FCRL1: variants seen among roughly 807,000 people sequenced by gnomAD.
FCRL1 encodes the protein Fc receptor-like protein 1.
A neutral mutation model predicts 49.2 loss-of-function variants in FCRL1; 34 were observed. The ratio of observed to expected loss-of-function variants is 0.69; its 90% confidence interval spans 0.53 to 0.92. The LOEUF (loss-of-function observed/expected upper bound fraction) is 0.92, where lower values mean the gene tolerates loss of function less well. FCRL1 is among the 40% of genes least tolerant of loss of function. FCRL1 has a pLI of 0.00. For missense variants in FCRL1, 524 were observed against 524.1 expected (o/e 1.00, Z 0.00); for synonymous variants, 218 against 201.6 (o/e 1.08, Z -0.69).
At chr1:157,815,709 CTAAA>C (rs899422468) in intron 1 of FCRL1, among the ~76,000 whole-genome samples, 1 of 150,952 alleles carries the variant, frequency 6.6e-6, no homozygotes, top group East Asian at 1.9e-4. Context: ...ACTAGCTAGA[CTAAA>C]TAAGAAAAAG....
At position 157,802,056 on chromosome 1, in the gene FCRL1, G is replaced by C; in HGVS notation, c.745C>G (p.Leu249Val). The change falls in exon 5 of 11, where the codon CTG (leucine) becomes GTG (valine). Residue 249 changes from leucine to valine, a missense_variant. By Grantham distance (32) the Leu-to-Val change is conservative (BLOSUM62 1). Transcript: ENST00000368176. ...LYWFYHEDIT[L>V]GSRSAPSGGG... ...CCAGAGGGGGCCGACCTGCTCCCCA[G>C]GGTGATATCCTCGTGATAAAACCAG... 6.2e-7 allele frequency: 1 copy of C among 1,614,208 alleles called. No individual in the cohort carries two copies. The highest frequency in any genetic ancestry group is 8.5e-7 in the Non-Finnish European group (1 of 1,180,032).
chr1:157,798,210 G>T lies in FCRL1; in HGVS notation c.1065C>A (p.Thr355=), dbSNP rs3811024. The change falls in exon 8 of 11, where the codon ACC becomes ACA. Residue 355 remains threonine (T), a synonymous_variant. Transcript: ENST00000368176. ...GCCCTGGGGTAGGTGAGTTGAGGTAGGTGAACTCTTGGGGTAGAGGGCTGG... is the reference window on the plus strand; with the variant it reads ...GCCCTGGGGTAGGTGAGTTGAGGTATGTGAACTCTTGGGGTAGAGGGCTGG... The part of the protein sequence containing the change: ...SLPSPLPQEF[T]YLNSPTPGQL... 34 of 1,612,398 alleles carry T rather than the reference G, an allele frequency of 2.1e-5. No homozygotes were observed. Among genetic ancestry groups the T allele is most frequent in the Non-Finnish European group, 2.9e-5 (34 of 1,179,254 alleles).
intron 6 of FCRL1, 136 bp from the exon 7 acceptor site, chr1:157,800,221 A>C: frequency 4.8e-6 from 3 of 625,822 alleles, no homozygotes; most frequent in Non-Finnish European, 8.0e-6. Flanking sequence ...TGTGCCCAGC[A>C]GACATCCTGG....
chr1:157,800,051 G>T lies in FCRL1; in HGVS notation c.1031+7C>A. 1 of 1,612,332 alleles carries T rather than the reference G, an allele frequency of 6.2e-7. No homozygotes were observed. Among genetic ancestry groups the T allele is most frequent in the Non-Finnish European group, 8.5e-7 (1 of 1,178,926 alleles). On this transcript the variant is annotated splice_region_variant and intron_variant, in intron 7 of 10. Coordinates refer to ENST00000368176, the MANE Select transcript of FCRL1 (RefSeq NM_052938.5). The stretch of plus-strand genomic sequence containing the variant: ...TTATTGACACCTATAGTGAAAACAG[G>T]CCTCACCTGAGTGGATCCCTGGCTG...
chr1:157,795,384 G>C lies in FCRL1; in HGVS notation c.*715C>G, dbSNP rs906793476. On this transcript the variant is annotated 3_prime_UTR_variant, in exon 11 of 11. Coordinates refer to ENST00000368176, the MANE Select transcript of FCRL1 (RefSeq NM_052938.5). ...TAAAAAAAAAATAATTAAGATACAG[G>C]TTTCAAACCATATTACCACGATTTC... is the stretch of plus-strand genomic sequence containing the variant. The C allele has an allele frequency of 2.0e-5, 3 of 151,936 alleles. No individual in the cohort carries two copies. Among genetic ancestry groups the C allele is most frequent in the Non-Finnish European group, 4.4e-5 (3 of 67,994 alleles). 9.4% of individuals were successfully genotyped at this position (151,936 alleles called of 1,614,324 possible). A position where few individuals can be genotyped will look rare whatever the true frequency, so the allele number is the denominator to read the frequency against.
At position 157,806,741 on chromosome 1, in the gene FCRL1, T is replaced by C. The variant is rs561290585; in HGVS notation, c.52+361A>G. ...AAGCACAACTGGGAATTGGAGCTCC[T>C]GAGGCTGGGAGGACAGAGATGCTTC... On this transcript the variant is annotated intron_variant, in intron 2 of 10. Transcript: ENST00000368176. 2.1e-5 allele frequency: 4 copies of C among 190,964 alleles called. No homozygotes were observed. In the East Asian group the frequency reaches 5.1e-4, roughly 24 times the overall value. The allele number at this position is 190,964 out of a possible 1,614,324, so 11.8% of individuals were successfully genotyped here.
chr1:157,806,244 C>A (rs971427911), intron 2 of FCRL1, among the ~76,000 whole-genome samples: 3 of 152,178 alleles, frequency 2.0e-5, no homozygotes, highest in African/African-American at 7.2e-5. Context: ...ACCTAGAAGG[C>A]TAGATTGACC....
At chr1:157,802,300 G>C (rs1652650831) in intron 4 of FCRL1, 77 bp downstream of exon 4, 1 of 1,581,524 alleles carries the variant, frequency 6.3e-7, no homozygotes, top group Non-Finnish European at 8.6e-7. Context: ...CATGCCCCAG[G>C]GAAACTTTGT....
chr1:157,803,938 T>C lies in FCRL1; in HGVS notation c.226A>G (p.Met76Val), dbSNP rs1652954637. The C allele has an allele frequency of 6.2e-7, 1 of 1,614,186 alleles. No individual in the cohort carries two copies. Among genetic ancestry groups the C allele is most frequent in the Non-Finnish European group, 8.5e-7 (1 of 1,180,034 alleles). Residue 76 changes from methionine to valine, a missense_variant, in exon 3 of 11, where the codon ATG becomes GTG. Transcript: ENST00000368176. ...TATGACCCTGTGTCTTCTTTCCACATGGCAGCGATCTGGAGCTTGGGGGAG... is the reference window on the plus strand; with the variant it reads ...TATGACCCTGTGTCTTCTTTCCACACGGCAGCGATCTGGAGCTTGGGGGAG... ...SSSPKLQIAA[M>V]WKEDTGSYWC...
Position 157,807,103 on chromosome 1 carries a change from G to A in FCRL1, c.51C>T (p.Ala17=), listed in dbSNP as rs781242642. 8 of 1,613,626 alleles carry A rather than the reference G, an allele frequency of 5.0e-6. No individual in the cohort carries two copies. The highest frequency in any genetic ancestry group is 2.7e-5 in the African/African-American group (2 of 74,902). ...AGAAGAAAAGGAAGTGCAACTCACC[G>A]GCAGGTTCACAGAGTGGAGCTGGGA... ...LLICAPLCEP[A]ELFLIASPSH... Residue 17 remains alanine (A), a splice_region_variant and synonymous_variant, in exon 2 of 11, where the codon GCC becomes GCT. Coordinates refer to ENST00000368176, the MANE Select transcript of FCRL1 (RefSeq NM_052938.5).
At chr1:157,818,588 A>G (rs1185241834) in intron 1 of FCRL1, among the ~76,000 whole-genome samples, 3 of 152,104 alleles carry the variant, frequency 2.0e-5, no homozygotes, top group Admixed American at 2.0e-4. Flanking sequence ...GAATAGACAA[A>G]TATAGAGAGA....
At chr1:157,799,945 G>T in intron 7 of FCRL1, 113 bp downstream of exon 7, 1 of 838,796 alleles carries the variant, frequency 1.2e-6, no homozygotes, top group Non-Finnish European at 1.8e-6. Flanking sequence ...TCAGGAGTGA[G>T]TTCTGGGTAT....
At position 157,794,443 on chromosome 1, in the gene FCRL1, T is replaced by G. The variant is rs1451587275; in HGVS notation, c.*1656A>C. On this transcript the variant is annotated 3_prime_UTR_variant, in exon 11 of 11. Transcript: ENST00000368176. ...GTCTTGGATATGTCTTTATTAGCAA[T>G]GTGAAAACTAAGTAATACACCCCAC... 1 of 152,188 alleles carries G rather than the reference T, an allele frequency of 6.6e-6. No individual in the cohort carries two copies. The highest frequency in any genetic ancestry group is 1.9e-4 in the East Asian group (1 of 5,192). The allele number at this position is 152,188 out of a possible 1,614,324, so 9.4% of individuals were successfully genotyped here. A position where few individuals can be genotyped will look rare whatever the true frequency, so the allele number is the denominator to read the frequency against.
At chr1:157,804,230 C>T (rs1653011434) in intron 2 of FCRL1, 119 bp from the exon 3 acceptor site, 3 of 1,251,208 alleles carry the variant, frequency 2.4e-6, no homozygotes, top group African/African-American at 1.5e-5. Context: ...ACACACAGGC[C>T]ACCCTACATG....
In FCRL1 at chr1:157,795,266, G is replaced by A. The variant is rs1355076532; in HGVS notation, c.*833C>T. On this transcript the variant is annotated 3_prime_UTR_variant, in exon 11 of 11. Transcript: ENST00000368176. ...GCTACTCAGCAGGCTGAGGTGAGAG[G>A]TTTGCTTGAGCCTGAGAGGCAGGCG... is the stretch of plus-strand genomic sequence containing the variant. 6.6e-6 allele frequency: 1 copy of A among 152,100 alleles called. No individual in the cohort carries two copies. Among genetic ancestry groups the A allele is most frequent in the African/African-American group, 2.4e-5 (1 of 41,410 alleles). 9.4% of individuals were successfully genotyped at this position (152,100 alleles called of 1,614,324 possible).
intron 1 of FCRL1, among the ~76,000 whole-genome samples, chr1:157,819,171 T>A (rs1655455733): frequency 6.6e-6 from 1 of 152,120 alleles, no homozygotes; most frequent in African/African-American, 2.4e-5. Context: ...GGATAAGGTA[T>A]GCAATAGTGA....
chr1:157,802,223 G>C lies in FCRL1; in HGVS notation c.608-30C>G, dbSNP rs142044630. 9.6e-5 allele frequency: 153 copies of C among 1,598,526 alleles called. No individual in the cohort carries two copies. In the African/African-American group the frequency reaches 1.9e-3, roughly 20 times the overall value. On this transcript the variant is annotated intron_variant, in intron 4 of 10. Coordinates refer to ENST00000368176, the MANE Select transcript of FCRL1 (RefSeq NM_052938.5). ...GGGAGACAGTAGACTGTAAGAGACA[G>C]TCTCTGACAATGCAGCAAACTCATA... is the stretch of plus-strand genomic sequence containing the variant.
At chr1:157,808,285 G>GTGATTGGTT (rs1653782325) in intron 1 of FCRL1, among the ~76,000 whole-genome samples, 1 of 152,150 alleles carries the variant, frequency 6.6e-6, no homozygotes, top group South Asian at 2.1e-4. Flanking sequence ...CTTTCAGAGG[G>GTGATTGGTT]TGATTGGTTC....
chr1:157,819,566 G>A (rs1380317128), intron 1 of FCRL1, among the ~76,000 whole-genome samples: 1 of 152,062 alleles, frequency 6.6e-6, no homozygotes, highest in Non-Finnish European at 1.5e-5. Context: ...TAGTGGGGGT[G>A]GGGGATGTAT....
Sources: gnomAD v4.1 joint callset for allele counts (sites outside exome capture counted in the v4.1 genomes callset) on GRCh38, gnomAD v4.1.1 for gene constraint, MANE v1.5 for transcripts, NCBI Gene and HGNC (gene_info 2026-07-23, HGNC 2026-07-21) for gene names.